The following RGS6 variants were observed in gnomAD, a reference collection of about 807,000 sequenced individuals.
RGS6 encodes regulator of G protein signaling 6.
RGS6 carries 30 observed loss-of-function variants against 78.5 expected under a neutral mutation model. The ratio of observed to expected loss-of-function variants is 0.38; its 90% CI spans 0.29 to 0.52. The LOEUF is 0.52. Among genes scored for constraint, RGS6 ranks in the 20% least tolerant of loss-of-function variants. The pLI, the probability that RGS6 is intolerant of heterozygous loss-of-function variation, is 0.85. For missense variants in RGS6, 495 were observed against 609.7 expected (o/e 0.81, Z 1.98); for synonymous variants, 206 against 206.0 (o/e 1.00, Z 0.00).
At chr14:72,620,705 T>C in the RGS6 span, among the ~76,000 whole-genome samples, 2 of 152,222 alleles carry the variant, frequency 1.3e-5, no homozygotes, top group Non-Finnish European at 2.9e-5. Context: ...AAGCACTTCT[T>C]TTCCACAAAG....
chr14:72,369,047 A>T (rs2082952714), intron 3 of RGS6, among the ~76,000 whole-genome samples: 1 of 151,520 alleles, frequency 6.6e-6, no homozygotes, highest in African/African-American at 2.5e-5. Flanking sequence ...TAGAAAAAAA[A>T]ATCACACACA....
At chr14:72,463,583 A>G (rs976664148) in intron 6 of RGS6, among the ~76,000 whole-genome samples, 6 of 152,246 alleles carry the variant, frequency 3.9e-5, no homozygotes, top group African/African-American at 1.4e-4. Context: ...CCATTTGGAC[A>G]TTTCTTGGGA....
At chr14:72,282,306 C>T (rs780783876) in intron 2 of RGS6, among the ~76,000 whole-genome samples, 76 of 152,252 alleles carry the variant, frequency 5.0e-4, no homozygotes, top group African/African-American at 7.9e-4. Context: ...AAGTGATAAG[C>T]GTTAATTAAT....
Position 72,210,923 on chromosome 14 carries a change from T to C in RGS6, c.85-141172T>C, listed in dbSNP as rs187257595. On this transcript the variant is annotated intron_variant, in intron 2 of 17. Transcript: ENST00000553525. ...AACTTTTGTCTGTATGTATCCATAC[T>C]ACCAGTCAAAATACTTAATAACAAA... Among the ~76,000 whole-genome samples the C allele has an allele frequency of 1.3e-3, 197 of 152,332 alleles. 2 individuals are homozygous for C. Among genetic ancestry groups the C allele is most frequent in the Admixed American group, 0.013 (196 of 15,296 alleles).
At chr14:72,410,870 G>A (rs1030540505) in intron 3 of RGS6, among the ~76,000 whole-genome samples, 7 of 152,292 alleles carry the variant, frequency 4.6e-5, no homozygotes, top group African/African-American at 1.4e-4. Context: ...TCAAAGATCA[G>A]ATAGTTGTAG....
rs150509104 is a variant in RGS6 at position 72,171,091 on chromosome 14, G to A, written c.85-181004G>A. ...ATTATTAAATAACCAGCATGTCTAA[G>A]CCTTACCCTTTTCTTTAATTACACA... On this transcript the variant is annotated intron_variant, in intron 2 of 17. Coordinates refer to ENST00000553525, the MANE Select transcript of RGS6 (RefSeq NM_001204424.2). Among the ~76,000 whole-genome samples, 1,011 of 152,202 alleles carry A rather than the reference G, an allele frequency of 6.6e-3. 4 individuals carry two copies. The highest frequency in any genetic ancestry group is 0.011 in the Non-Finnish European group (759 of 68,006).
At chr14:72,213,162 T>G (rs2044601961) in intron 2 of RGS6, among the ~76,000 whole-genome samples, 1 of 152,222 alleles carries the variant, frequency 6.6e-6, no homozygotes, top group Admixed American at 6.5e-5. Flanking sequence ...AAGATAATCT[T>G]ACCAACATCT....
intron 2 of RGS6, among the ~76,000 whole-genome samples, chr14:72,238,997 G>T (rs916074253): frequency 5.9e-5 from 9 of 151,956 alleles, no homozygotes; most frequent in Non-Finnish European, 1.3e-4. Flanking sequence ...TCAGAAGAAA[G>T]AATTCAATGG....
intron 2 of RGS6, among the ~76,000 whole-genome samples, chr14:71,997,448 A>G (rs547816000): frequency 6.6e-6 from 1 of 152,238 alleles, no homozygotes; most frequent in Non-Finnish European, 1.5e-5. Flanking sequence ...AAGGACATAG[A>G]TAAAATTAAG....
chr14:72,104,852 T>TACCTGA (rs1473082637), intron 2 of RGS6, among the ~76,000 whole-genome samples: 1 of 152,240 alleles, frequency 6.6e-6, no homozygotes, highest in East Asian at 1.9e-4. Flanking sequence ...TACAGAATTC[T>TACCTGA]GTGTTTTAAA....
the RGS6 span, among the ~76,000 whole-genome samples, chr14:71,905,581 C>T: frequency 6.6e-6 from 1 of 152,148 alleles, no homozygotes; most frequent in African/African-American, 2.4e-5. Flanking sequence ...ACCTCCACCT[C>T]CTGGGTTCAA....
intron 2 of RGS6, among the ~76,000 whole-genome samples, chr14:72,306,947 T>C (rs2067375525): frequency 6.6e-6 from 1 of 152,216 alleles, no homozygotes; most frequent in African/African-American, 2.4e-5. Flanking sequence ...GGAGGTAAAA[T>C]GCTACCAAAC....
intron 3 of RGS6, among the ~76,000 whole-genome samples, chr14:72,385,642 G>A (rs1002964100): frequency 1.3e-5 from 2 of 152,150 alleles, no homozygotes; most frequent in Non-Finnish European, 2.9e-5. Flanking sequence ...GACCTGCCCT[G>A]CCCAGGGACA....
intron 2 of RGS6, among the ~76,000 whole-genome samples, chr14:72,084,921 G>A (rs145125634): frequency 2.0e-5 from 3 of 152,274 alleles, no homozygotes; most frequent in African/African-American, 4.8e-5. Flanking sequence ...CTTTCTGTGA[G>A]GACAATGTGT....
intron 2 of RGS6, among the ~76,000 whole-genome samples, chr14:72,267,322 T>C (rs1289604310): frequency 6.7e-6 from 1 of 149,532 alleles, no homozygotes; most frequent in Non-Finnish European, 1.5e-5. Context: ...ATAAAAATTA[T>C]AATGACATGC....
intron 2 of RGS6, among the ~76,000 whole-genome samples, chr14:72,072,983 A>C (rs2094458565): frequency 6.6e-6 from 1 of 152,150 alleles, no homozygotes; most frequent in South Asian, 2.1e-4. Context: ...GGAGTTTTAA[A>C]ATTTCTCCAG....
chr14:72,283,150 A>G (rs2061877181), intron 2 of RGS6, among the ~76,000 whole-genome samples: 1 of 152,148 alleles, frequency 6.6e-6, no homozygotes, highest in Non-Finnish European at 1.5e-5. Flanking sequence ...TGTATAGACT[A>G]TATTTTCTTT....
chr14:72,204,753 C>G (rs2042332309), intron 2 of RGS6, among the ~76,000 whole-genome samples: 1 of 152,176 alleles, frequency 6.6e-6, no homozygotes, highest in African/African-American at 2.4e-5. Flanking sequence ...TCCCAAAAGC[C>G]CTACCTCCTA....
rs575627538 is a variant in RGS6, at chr14:72,012,308, T to C, written c.84+47433T>C. 2.6e-5 allele frequency among the ~76,000 whole-genome samples: 4 copies of C among 152,330 alleles called. No individual in the cohort carries two copies. In the East Asian group the frequency reaches 7.7e-4, roughly 29 times the overall value. On this transcript the variant is annotated intron_variant, in intron 2 of 17. Transcript: ENST00000553525. ...ATTGTATCTTCTTTGCAGCTAGTTT[T>C]CTATACACATAGACATGATTTTCTT...
Sources: allele counts gnomAD v4.1 joint callset (sites outside exome capture counted in the v4.1 genomes callset), GRCh38; gene constraint gnomAD v4.1.1; transcripts MANE v1.5; gene names NCBI Gene and HGNC (gene_info 2026-07-23, HGNC 2026-07-21).